Variants in CSMD1 observed in about 807,000 individuals in gnomAD.
The protein encoded by CSMD1 is CUB and Sushi multiple domains 1.
A neutral mutation model predicts 417.5 loss-of-function variants in CSMD1; 213 were observed. The observed-to-expected ratio is 0.51, with a 90% CI of 0.46 to 0.57. CSMD1 has a LOEUF of 0.57. CSMD1 is among the 20% of genes least tolerant of loss of function. The pLI is 0.00. For synonymous variants in CSMD1, 2,862 were observed against 1,736.8 expected (o/e 1.65, Z -16.11); for missense variants, 6,923 against 4,529.7 (o/e 1.53, Z -15.17).
chr8:4,051,923 T>TC (rs59570505), intron 3 of CSMD1, among the ~76,000 whole-genome samples: 2 of 150,224 alleles, frequency 1.3e-5, no homozygotes, highest in Non-Finnish European at 3.0e-5. Context: ...TTTCTTTCTT[T>TC]TTCTTTCTTT....
intron 7 of CSMD1, among the ~76,000 whole-genome samples, chr8:3,681,829 G>C (rs1034833419): frequency 2.6e-5 from 4 of 152,138 alleles, no homozygotes; most frequent in Non-Finnish European, 5.9e-5. Flanking sequence ...CATGGTACTG[G>C]TACCAAAACA....
intron 1 of CSMD1, among the ~76,000 whole-genome samples, chr8:4,757,029 C>A (rs1811709902): frequency 6.6e-6 from 1 of 152,174 alleles, no homozygotes. Flanking sequence ...TGTTCTTATA[C>A]AATATGCAGG....
In CSMD1 at chr8:3,394,003, A is replaced by AATAAT. The variant is rs1554536966; in HGVS notation, c.2593+2190_2593+2191insATTAT. ...TAACGTATAATAATAATAATAATAA[A>AATAAT]AAAATAAATTATATATATATATATA... On this transcript the variant is annotated intron_variant, in intron 17 of 69. Coordinates refer to ENST00000635120, the MANE Select transcript of CSMD1 (RefSeq NM_033225.6). Among the ~76,000 whole-genome samples, 288 of 47,466 alleles carry AATAAT rather than the reference A, an allele frequency of 6.1e-3. 1 individual carries two copies. Among genetic ancestry groups the AATAAT allele is most frequent in the Middle Eastern group, 0.013 (1 of 78 alleles). 31.1% of individuals were successfully genotyped at this position (47,466 alleles called of 152,430 possible).
intron 11 of CSMD1, among the ~76,000 whole-genome samples, chr8:3,489,222 A>T (rs1188981858): frequency 1.3e-5 from 2 of 152,318 alleles, no homozygotes; most frequent in East Asian, 3.9e-4. Context: ...CAAGAAGTAG[A>T]TTCAGCAAAA....
intron 12 of CSMD1, among the ~76,000 whole-genome samples, chr8:3,454,510 G>T (rs1342250317): frequency 6.6e-6 from 1 of 152,138 alleles, no homozygotes; most frequent in Non-Finnish European, 1.5e-5. Flanking sequence ...CAGGACTGGT[G>T]GTGACAGAAT....
At chr8:3,890,606 C>T (rs149873840) in intron 5 of CSMD1, among the ~76,000 whole-genome samples, 1 of 151,966 alleles carries the variant, frequency 6.6e-6, no homozygotes, top group Non-Finnish European at 1.5e-5. Context: ...AAATAAAGCA[C>T]GTGGCATATT....
intron 39 of CSMD1, among the ~76,000 whole-genome samples, chr8:3,155,691 A>G (rs971972557): frequency 7.1e-4 from 108 of 152,260 alleles, no homozygotes; most frequent in African/African-American, 2.5e-3. Context: ...AAACGTCTGT[A>G]AAAGTAGCTC....
intron 10 of CSMD1, among the ~76,000 whole-genome samples, chr8:3,496,126 T>G (rs995089248): frequency 1.3e-5 from 2 of 152,202 alleles, no homozygotes; most frequent in African/African-American, 4.8e-5. Context: ...TTCTCATTGT[T>G]CAGCTCCCCT....
chr8:4,065,557 A>AT (rs567757006), intron 3 of CSMD1, among the ~76,000 whole-genome samples: 673 of 46,114 alleles, frequency 0.015, 7 homozygotes, highest in Middle Eastern at 0.052. Context: ...ATAGTAGCTA[A>AT]TCTTTTTTCA....
intron 1 of CSMD1, among the ~76,000 whole-genome samples, chr8:4,942,836 T>C (rs193231456): frequency 1.3e-5 from 2 of 152,242 alleles, no homozygotes; most frequent in Admixed American, 1.3e-4. Context: ...TGTTAACTAA[T>C]TCACAGATAG....
intron 26 of CSMD1, among the ~76,000 whole-genome samples, chr8:3,274,466 A>C (rs7816258): frequency 0.28 from 41,977 of 151,884 alleles, 6,029 homozygotes; most frequent in African/African-American, 0.35. Flanking sequence ...GAGCTGAGTT[A>C]AGTTCCTGGG....
intron 41 of CSMD1, among the ~76,000 whole-genome samples, chr8:3,136,140 T>G (rs1188089837): frequency 6.6e-6 from 1 of 152,128 alleles, no homozygotes; most frequent in African/African-American, 2.4e-5. Context: ...ATGGCTCATC[T>G]ATGGAGTCCG....
At chr8:3,050,635 A>T (rs11990783) in intron 50 of CSMD1, among the ~76,000 whole-genome samples, 18,519 of 152,204 alleles carry the variant, frequency 0.12, 1,441 homozygotes, top group East Asian at 0.37. Context: ...GCAATAAAAT[A>T]GTACCGTCTT....
chr8:3,485,984 G>C (rs914116682), intron 11 of CSMD1, among the ~76,000 whole-genome samples: 2 of 152,042 alleles, frequency 1.3e-5, no homozygotes, highest in African/African-American at 4.8e-5. Flanking sequence ...TTCAATGAGC[G>C]ATTAGGCAGC....
At chr8:4,474,608 A>G (rs1800702415) in intron 2 of CSMD1, among the ~76,000 whole-genome samples, 1 of 152,144 alleles carries the variant, frequency 6.6e-6, no homozygotes, top group African/African-American at 2.4e-5. Flanking sequence ...GTGAGCTACT[A>G]CGTAACCCAT....
At chr8:3,210,675 C>G (rs1797553453) in intron 30 of CSMD1, among the ~76,000 whole-genome samples, 2 of 147,964 alleles carry the variant, frequency 1.4e-5, no homozygotes, top group South Asian at 4.2e-4. Context: ...CATATATATA[C>G]ACACCTATAT....
intron 26 of CSMD1, among the ~76,000 whole-genome samples, chr8:3,257,860 C>G (rs546048921): frequency 6.6e-6 from 1 of 152,170 alleles, no homozygotes; most frequent in Admixed American, 6.5e-5. Context: ...GGGCTTGACT[C>G]AGTGATCCAG....
intron 2 of CSMD1, among the ~76,000 whole-genome samples, chr8:4,531,486 C>T (rs1383358682): frequency 6.6e-6 from 1 of 152,026 alleles, no homozygotes; most frequent in Non-Finnish European, 1.5e-5. Flanking sequence ...TTTGTCATCC[C>T]TATAATAAGT....
intron 3 of CSMD1, among the ~76,000 whole-genome samples, chr8:4,108,633 G>C (rs1022249498): frequency 1.3e-4 from 20 of 152,148 alleles, no homozygotes; most frequent in Non-Finnish European, 2.9e-4. Flanking sequence ...TCTCAGAAGA[G>C]CCTTTTGAAA....
Sources: allele counts gnomAD v4.1 joint callset (sites outside exome capture counted in the v4.1 genomes callset), GRCh38; gene constraint gnomAD v4.1.1; transcripts MANE v1.5; gene names NCBI Gene and HGNC (gene_info 2026-07-23, HGNC 2026-07-21).